NELL1: variants seen among roughly 807,000 people sequenced by gnomAD.
NELL1 encodes the protein protein kinase C-binding protein NELL1.
Under a neutral mutation model 107.4 loss-of-function variants are expected in NELL1, and 76 were observed. The observed-to-expected ratio is 0.71, with a 90% CI of 0.59 to 0.86. NELL1 has a LOEUF of 0.86. Ranked by LOEUF, NELL1 falls within the 40% of genes least tolerant of loss-of-function variation. NELL1 has a pLI of 0.00. For synonymous variants in NELL1, 353 were observed against 341.2 expected, an observed-to-expected ratio of 1.03 and a Z score of -0.38; for missense variants, 1,024 against 1,005.5, an observed-to-expected ratio of 1.02 and a Z score of -0.25.
At chr11:20,846,427 G>C (rs1052125119) in intron 3 of NELL1, among the ~76,000 whole-genome samples, 1 of 152,192 alleles carries the variant, frequency 6.6e-6, no homozygotes, top group African/African-American at 2.4e-5. Context: ...AGCCAGCTCA[G>C]TGGATTAGAA....
chr11:20,705,363 T>C (rs979101914), intron 2 of NELL1, among the ~76,000 whole-genome samples: 8 of 151,988 alleles, frequency 5.3e-5, no homozygotes, highest in East Asian at 1.9e-4. Flanking sequence ...TAATGCCGCA[T>C]ATCTACAACC....
intron 14 of NELL1, among the ~76,000 whole-genome samples, chr11:21,362,033 G>A (rs1486298888): frequency 1.3e-5 from 2 of 152,120 alleles, no homozygotes; most frequent in African/African-American, 2.4e-5. Context: ...GGGAACTGGT[G>A]TGATTTTGAG....
chr11:21,543,340 G>C (rs1856341113), intron 16 of NELL1, among the ~76,000 whole-genome samples: 1 of 151,972 alleles, frequency 6.6e-6, no homozygotes, highest in Admixed American at 6.6e-5. Context: ...GAACTGTAAG[G>C]AATCAATATG....
intron 12 of NELL1, among the ~76,000 whole-genome samples, chr11:20,976,836 AG>A (rs987272540): frequency 9.9e-5 from 15 of 152,150 alleles, no homozygotes; most frequent in African/African-American, 3.4e-4. Context: ...TTATATTATA[AG>A]TGGCAGGATT....
intron 14 of NELL1, among the ~76,000 whole-genome samples, chr11:21,301,631 G>T (rs1173862238): frequency 6.6e-6 from 1 of 152,096 alleles, no homozygotes; most frequent in Non-Finnish European, 1.5e-5. Flanking sequence ...GTTCTTGGTA[G>T]TTTCTGGATA....
chr11:20,744,045 C>G (rs954695583), intron 2 of NELL1, among the ~76,000 whole-genome samples: 1 of 152,156 alleles, frequency 6.6e-6, no homozygotes, highest in Non-Finnish European at 1.5e-5. Context: ...TTAGTACCAT[C>G]TCCTCTACCT....
intron 12 of NELL1, among the ~76,000 whole-genome samples, chr11:21,044,517 T>C (rs757206689): frequency 6.6e-6 from 1 of 152,162 alleles, no homozygotes; most frequent in East Asian, 1.9e-4. Context: ...TGTTTGGTTA[T>C]GTGTATGCAT....
intron 12 of NELL1, among the ~76,000 whole-genome samples, chr11:21,050,812 A>C (rs1484161901): frequency 6.6e-6 from 1 of 152,144 alleles, no homozygotes; most frequent in Non-Finnish European, 1.5e-5. Flanking sequence ...GATACTCTGT[A>C]ATTCTGAGAT....
chr11:21,229,466 G>A lies in NELL1; in HGVS notation c.1549+12G>A, dbSNP rs199539402. On this transcript the variant is annotated intron_variant, in intron 14 of 19. Transcript: ENST00000357134. ...GACCATCTGCAGAGGTAGGCTTGCC[G>A]CCTTAGTGTTGAGTTGTGAGCAGCC... 80 of 1,613,210 alleles carry A rather than the reference G, an allele frequency of 5.0e-5. No homozygotes were observed. Among genetic ancestry groups the A allele is most frequent in the Non-Finnish European group, 5.3e-5 (63 of 1,179,508 alleles).
At chr11:21,206,625 A>G (rs757510829) in intron 13 of NELL1, among the ~76,000 whole-genome samples, 11 of 152,140 alleles carry the variant, frequency 7.2e-5, no homozygotes, top group Non-Finnish European at 1.5e-5. Context: ...TTGGAATCTC[A>G]TAGTTGACTG....
At chr11:21,395,873 G>A (rs1273425036) in intron 15 of NELL1, among the ~76,000 whole-genome samples, 1 of 150,938 alleles carries the variant, frequency 6.6e-6, no homozygotes, top group African/African-American at 2.4e-5. Flanking sequence ...AATCAACCAA[G>A]TGTGAGAATT....
chr11:21,395,258 T>G (rs558157326), intron 15 of NELL1, among the ~76,000 whole-genome samples: 22 of 151,614 alleles, frequency 1.5e-4, no homozygotes, highest in African/African-American at 5.3e-4. Flanking sequence ...CTGCCCTCTC[T>G]TTGAAACTAG....
At chr11:21,088,991 C>A (rs139128738) in intron 12 of NELL1, among the ~76,000 whole-genome samples, 2 of 152,110 alleles carry the variant, frequency 1.3e-5, no homozygotes, top group South Asian at 4.1e-4. Context: ...AGCACAGAGA[C>A]AGGACACAGC....
At chr11:21,467,247 G>A (rs1049831330) in intron 15 of NELL1, among the ~76,000 whole-genome samples, 2 of 152,060 alleles carry the variant, frequency 1.3e-5, no homozygotes, top group Non-Finnish European at 2.9e-5. Context: ...CTGTGTCTCA[G>A]TTTCCTCAGC....
intron 15 of NELL1, among the ~76,000 whole-genome samples, chr11:21,501,133 G>T (rs1590984075): frequency 6.6e-6 from 1 of 152,098 alleles, no homozygotes; most frequent in Non-Finnish European, 1.5e-5. Flanking sequence ...TAATCTACAG[G>T]TCTTTAAATG....
At chr11:20,680,288 C>T (rs551160828) in intron 2 of NELL1, among the ~76,000 whole-genome samples, 7 of 152,020 alleles carry the variant, frequency 4.6e-5, no homozygotes, top group Non-Finnish European at 1.0e-4. Context: ...CTCTAGATCC[C>T]AAGGATTCAT....
chr11:21,178,678 G>C (rs1299462037), intron 13 of NELL1, among the ~76,000 whole-genome samples: 1 of 151,208 alleles, frequency 6.6e-6, no homozygotes, highest in Non-Finnish European at 1.5e-5. Flanking sequence ...ATGAGAGGAT[G>C]GCCTGAGCCC....
At chr11:21,289,693 A>C (rs1329162360) in intron 14 of NELL1, among the ~76,000 whole-genome samples, 1 of 152,208 alleles carries the variant, frequency 6.6e-6, no homozygotes, top group East Asian at 1.9e-4. Flanking sequence ...GGCTGAAGCC[A>C]GGGAGCCAGG....
intron 3 of NELL1, among the ~76,000 whole-genome samples, chr11:20,800,124 T>C (rs1356637260): frequency 6.6e-6 from 1 of 152,212 alleles, no homozygotes; most frequent in Non-Finnish European, 1.5e-5. Context: ...GGCACCTAGG[T>C]TGATTCCATG....
Sources: gnomAD v4.1 joint callset for allele counts (sites outside exome capture counted in the v4.1 genomes callset) on GRCh38, gnomAD v4.1.1 for gene constraint, MANE v1.5 for transcripts, NCBI Gene and HGNC (gene_info 2026-07-23, HGNC 2026-07-21) for gene names.